Variants in LRRK1 observed in about 807,000 individuals in gnomAD.
The protein encoded by LRRK1 is leucine-rich repeat serine/threonine-protein kinase 1.
A neutral mutation model predicts 209.1 loss-of-function variants in LRRK1; 113 were observed. That is an observed-to-expected ratio of 0.54 (90% CI 0.46 to 0.63). LRRK1 has a LOEUF of 0.63. LRRK1 is among the 30% of genes least tolerant of loss of function. The probability of loss-of-function intolerance (pLI) is 0.00; values close to 1 mark genes in which losing one functional copy is unlikely to be tolerated. For synonymous variants in LRRK1, 1,144 were observed against 1,099.7 expected, an observed-to-expected ratio of 1.04 and a Z score of -0.80; for missense variants, 2,284 against 2,632.2, an observed-to-expected ratio of 0.87 and a Z score of 2.89.
intron 4 of LRRK1, among the ~76,000 whole-genome samples, chr15:100,984,425 T>C (rs1567215237): frequency 6.6e-6 from 1 of 152,186 alleles, no homozygotes; most frequent in Non-Finnish European, 1.5e-5. Flanking sequence ...CAGTATTACA[T>C]AGAGCAGTTT....
intron 20 of LRRK1, among the ~76,000 whole-genome samples, chr15:101,040,456 C>T (rs920709805): frequency 6.6e-6 from 1 of 151,886 alleles, no homozygotes; most frequent in Non-Finnish European, 1.5e-5. Flanking sequence ...TTTTTGGAAC[C>T]GTTTTAAAGA....
rs1165368851 is a variant in LRRK1 at position 101,027,105 on chromosome 15, T to G, written c.2406-156T>G. 6.6e-6 allele frequency among the ~76,000 whole-genome samples: 1 copy of G among 152,196 alleles called. No individual in the cohort carries two copies. Among genetic ancestry groups the G allele is most frequent in the African/African-American group, 2.4e-5 (1 of 41,452 alleles). On this transcript the variant is annotated intron_variant, in intron 17 of 33. Coordinates refer to ENST00000388948, the MANE Select transcript of LRRK1 (RefSeq NM_024652.6). This position sits in a 1 kb window ranked among gnomAD's most constrained non-coding sequence, Gnocchi z 5.1. ...GTGTGGGGCACCCAGCACAGTGATT[T>G]GCACAAAGCAAGGCCTCAATAAACT...
At chr15:100,996,449 C>G (rs762911852) in intron 6 of LRRK1, among the ~76,000 whole-genome samples, 3 of 152,236 alleles carry the variant, frequency 2.0e-5, no homozygotes, top group Non-Finnish European at 4.4e-5. Context: ...TTCCTACCCT[C>G]TGAGGGTCAT....
At chr15:101,012,521 C>T (rs909913463) in intron 10 of LRRK1, among the ~76,000 whole-genome samples, 12 of 152,160 alleles carry the variant, frequency 7.9e-5, no homozygotes, top group Non-Finnish European at 1.2e-4. Context: ...AGGTGGTTGG[C>T]GGGTCCTTAG....
chr15:100,998,584 T>C (rs2032535945), intron 6 of LRRK1, among the ~76,000 whole-genome samples: 1 of 133,846 alleles, frequency 7.5e-6, no homozygotes, highest in African/African-American at 2.9e-5. Context: ...TGCCCCTCCG[T>C]ATAGGACTTG....
At chr15:101,005,958 C>T (rs2032929588) in intron 6 of LRRK1, among the ~76,000 whole-genome samples, 1 of 152,204 alleles carries the variant, frequency 6.6e-6, no homozygotes, top group Admixed American at 6.5e-5. Flanking sequence ...CTAATTGATT[C>T]AGGCCAGGAT....
In LRRK1 at chr15:101,008,891, C is replaced by T; in HGVS notation, c.817C>T (p.Leu273Phe). The T allele has an allele frequency of 1.2e-6, 2 of 1,614,228 alleles. No individual in the cohort carries two copies. Among genetic ancestry groups the T allele is most frequent in the African/African-American group, 1.3e-5 (1 of 75,064 alleles). Residue 273 changes from leucine to phenylalanine, a missense_variant, in exon 7 of 34, where the codon CTC becomes TTC. Around this residue, in one of 6 missense-constraint regions of LRRK1, gnomAD observed 494 missense variants for 522.1 expected, o/e 0.95. Coordinates refer to ENST00000388948, the MANE Select transcript of LRRK1 (RefSeq NM_024652.6). The stretch of plus-strand genomic sequence containing the variant: ...ACTGCCCTGGGTAGACCTAGACTGG[C>T]TCATAGACATCTCCTGCCAGATCAC... Reference protein sequence around the residue: ...LRLPWVDLDWLIDISCQITEL... With the variant: ...LRLPWVDLDWFIDISCQITEL...
At chr15:101,010,932 C>T (rs930304851) in intron 9 of LRRK1, 95 bp downstream of exon 9, 1 of 1,103,626 alleles carries the variant, frequency 9.1e-7, no homozygotes, top group Non-Finnish European at 1.3e-6. Flanking sequence ...AGTTCATCCC[C>T]TCAGCAGCGA....
At chr15:100,945,291 G>C (rs888878251) in intron 2 of LRRK1, among the ~76,000 whole-genome samples, 1 of 152,116 alleles carries the variant, frequency 6.6e-6, no homozygotes, top group Non-Finnish European at 1.5e-5. Flanking sequence ...ACATGTGTGC[G>C]TGTCTGTTTC....
Position 101,075,415 on chromosome 15 carries a change from C to T in LRRK1, c.*6567C>T, listed in dbSNP as rs1487850544. 21 of 122,380 alleles carry T rather than the reference C, an allele frequency of 1.7e-4. 1 individual carries two copies. Among genetic ancestry groups the T allele is most frequent in the East Asian group, 8.0e-4 (4 of 5,018 alleles). 7.6% of individuals were successfully genotyped at this position (122,380 alleles called of 1,614,324 possible). On this transcript the variant is annotated 3_prime_UTR_variant, in exon 34 of 34. Transcript: ENST00000388948. ...CCTCCTTTGTGTCCTCCTCTTGTAT[C>T]CCCCGACCTTAACCCATAAGTATAA... is the stretch of plus-strand genomic sequence containing the variant.
intron 2 of LRRK1, among the ~76,000 whole-genome samples, chr15:100,933,659 T>TA (rs781316596): frequency 6.6e-6 from 1 of 151,382 alleles, no homozygotes; most frequent in South Asian, 2.1e-4. Context: ...CCGTCTTTAC[T>TA]AAAAATACAA....
chr15:101,044,533 A>G (rs1012556505), intron 20 of LRRK1, among the ~76,000 whole-genome samples: 13 of 152,212 alleles, frequency 8.5e-5, no homozygotes, highest in Non-Finnish European at 1.5e-4. Flanking sequence ...CACTACCTGG[A>G]GACCACTGCT....
intron 6 of LRRK1, among the ~76,000 whole-genome samples, chr15:101,003,821 C>T (rs2032816061): frequency 6.6e-6 from 1 of 152,166 alleles, no homozygotes; most frequent in South Asian, 2.1e-4. Context: ...AGGCCCAGCC[C>T]ACCTTGTACT....
At chr15:101,014,275 G>A (rs1178459799) in intron 10 of LRRK1, 41 bp from the exon 11 acceptor site, 1 of 1,402,122 alleles carries the variant, frequency 7.1e-7, no homozygotes, top group Non-Finnish European at 1.0e-6. Context: ...TCTTGTATCT[G>A]ATGCTATCTT....
At chr15:100,955,424 T>G (rs2141627171) in intron 2 of LRRK1, among the ~76,000 whole-genome samples, 1 of 152,334 alleles carries the variant, frequency 6.6e-6, no homozygotes, top group South Asian at 2.1e-4. Context: ...TTTCTGCATA[T>G]AAGATCATGT....
rs573950187 is a variant in LRRK1 at position 100,998,361 on chromosome 15, A to G, written c.762+8963A>G. On this transcript the variant is annotated intron_variant, in intron 6 of 33. Transcript: ENST00000388948. ...AGGACACCCTGCAGATCCCCACACA[A>G]TATCCTCAGGAAAGCCTTCCTTAAC... Among the ~76,000 whole-genome samples the G allele has an allele frequency of 2.0e-5, 3 of 152,108 alleles. No homozygotes were observed. In the East Asian group the frequency reaches 5.8e-4, roughly 29 times the overall value.
At position 101,062,637 on chromosome 15, in the gene LRRK1, T is replaced by G; in HGVS notation, c.4861T>G (p.Leu1621Val). The change falls in exon 31 of 34, where the codon TTG becomes GTG. Residue 1621 changes from leucine to valine, a missense_variant. Physicochemically the swap from Leu to Val is conservative, Grantham distance 32 (BLOSUM62 1). Around this residue, in one of 6 missense-constraint regions of LRRK1, gnomAD observed 643 missense variants for 695.9 expected, o/e 0.92. Transcript: ENST00000388948. ...CCCCTTAAACACACCCCAACAGGCC[T>G]TGGATACTCCAGCTGTCGTCACCTG... The part of the protein sequence containing the change: ...MCPLNTPQQA[L>V]DTPAVVTCFL... 6 of 1,614,206 alleles carry G rather than the reference T, an allele frequency of 3.7e-6. No individual in the cohort carries two copies. Among genetic ancestry groups the G allele is most frequent in the Non-Finnish European group, 5.1e-6 (6 of 1,180,018 alleles).
intron 2 of LRRK1, among the ~76,000 whole-genome samples, chr15:100,941,302 ATGTGTGTG>A (rs1567190663): frequency 3.2e-4 from 5 of 15,504 alleles, no homozygotes; most frequent in African/African-American, 1.3e-3. Context: ...GTGTGTGTCT[ATGTGTGTG>A]TGTCTGTGTG....
At chr15:101,045,650 A>G (rs1168218992) in intron 20 of LRRK1, among the ~76,000 whole-genome samples, 1 of 152,208 alleles carries the variant, frequency 6.6e-6, no homozygotes, top group Non-Finnish European at 1.5e-5. Flanking sequence ...AACCCCGTTT[A>G]TAGAGAATTG....
Sources: allele counts gnomAD v4.1 joint callset (sites outside exome capture counted in the v4.1 genomes callset), GRCh38; gene constraint gnomAD v4.1.1; regional missense constraint gnomAD v4.1.1; non-coding constraint Gnocchi (gnomAD v3.1); transcripts MANE v1.5; gene names NCBI Gene and HGNC (gene_info 2026-07-23, HGNC 2026-07-21).